The following SYT14 variants were observed in gnomAD, a reference collection of about 807,000 sequenced individuals.
SYT14 encodes the protein synaptotagmin-14.
In SYT14, 32 loss-of-function variants were observed where a neutral mutation model predicts 74.2. The ratio of observed to expected loss-of-function variants is 0.43; its 90% CI spans 0.33 to 0.58. The LOEUF (loss-of-function observed/expected upper bound fraction) is 0.58, where lower values mean the gene tolerates loss of function less well. Ranked by LOEUF, SYT14 falls within the 20% of genes least tolerant of loss-of-function variation. The pLI, the probability that SYT14 is intolerant of heterozygous loss-of-function variation, is 0.05. For missense variants in SYT14, 791 were observed against 981.8 expected (o/e 0.81, Z 2.60); for synonymous variants, 298 against 337.7 (o/e 0.88, Z 1.29).
At chr1:210,077,598 A>G (rs2102467680) in intron 5 of SYT14, among the ~76,000 whole-genome samples, 1 of 152,330 alleles carries the variant, frequency 6.6e-6, no homozygotes, top group East Asian at 1.9e-4. Context: ...ATCTCCTTTG[A>G]GTAAATACAA....
rs935246875 is a variant in SYT14 at position 210,145,867 on chromosome 1, T to C, written c.2035-9854T>C. On this transcript the variant is annotated intron_variant, in intron 7 of 9. Coordinates refer to ENST00000637265, the Ensembl canonical transcript of SYT14. ...GTTTCTGTTACCAGAGTTAATCATA[T>C]CCACATATTTTCTCCCATAAAATCT... Among the ~76,000 whole-genome samples, 5 of 152,192 alleles carry C rather than the reference T, an allele frequency of 3.3e-5. No individual in the cohort carries two copies. The East Asian group carries it at 7.7e-4, about 23-fold the overall frequency.
rs1206451444 is a variant in SYT14 at position 209,990,536 on chromosome 1, T to TATATATATTTC, written c.-485-23096_-485-23095insTATATATTTCA. ...AAGGAATATTTCACATATATATATA[T>TATATATATTTC]ACGTATATATATGTATATATATACG... is the stretch of plus-strand genomic sequence containing the variant. On this transcript the variant is annotated intron_variant, in intron 2 of 9. Transcript: ENST00000637265. Among the ~76,000 whole-genome samples the TATATATATTTC allele has an allele frequency of 1.4e-3, 63 of 44,336 alleles. 2 individuals carry two copies. The highest frequency in any genetic ancestry group is 8.9e-3 in the African/African-American group (62 of 6,960). The allele number at this position is 44,336 out of a possible 152,430, so 29.1% of individuals were successfully genotyped here. A position where few individuals can be genotyped will look rare whatever the true frequency, so the allele number is the denominator to read the frequency against.
intron 5 of SYT14, among the ~76,000 whole-genome samples, chr1:210,032,109 G>C (rs553595521): frequency 6.6e-6 from 1 of 152,028 alleles, no homozygotes; most frequent in African/African-American, 2.4e-5. Flanking sequence ...TCTTCATATG[G>C]TGATTTTTTT....
intron 5 of SYT14, among the ~76,000 whole-genome samples, chr1:210,072,386 A>G (rs1288158139): frequency 6.6e-6 from 1 of 152,000 alleles, no homozygotes; most frequent in Non-Finnish European, 1.5e-5. Flanking sequence ...AGGTTCAGGC[A>G]TATGCTTTTA....
intron 5 of SYT14, among the ~76,000 whole-genome samples, chr1:210,072,601 A>G (rs2081415527): frequency 6.6e-6 from 1 of 152,068 alleles, no homozygotes; most frequent in South Asian, 2.1e-4. Flanking sequence ...ACACATTCAT[A>G]AAAGAGAAGA....
chr1:210,068,684 T>C (rs2081339713), intron 5 of SYT14, among the ~76,000 whole-genome samples: 1 of 151,758 alleles, frequency 6.6e-6, no homozygotes, highest in Admixed American at 6.6e-5. Flanking sequence ...GTAAAGTTGT[T>C]AATAGCATTC....
chr1:210,012,282 C>G (rs779391273), intron 2 of SYT14, among the ~76,000 whole-genome samples: 3 of 152,206 alleles, frequency 2.0e-5, no homozygotes, highest in Admixed American at 6.5e-5. Flanking sequence ...GCCTTTCTTA[C>G]ACTATATTGT....
chr1:209,946,861 G>A (rs1241771141), intron 1 of SYT14, among the ~76,000 whole-genome samples: 2 of 152,182 alleles, frequency 1.3e-5, no homozygotes, highest in East Asian at 1.9e-4. Context: ...TGACTCTCTT[G>A]TTAGGGGCTG....
chr1:209,951,620 G>A (rs1453085764), intron 1 of SYT14, among the ~76,000 whole-genome samples: 2 of 152,070 alleles, frequency 1.3e-5, no homozygotes, highest in African/African-American at 2.4e-5. Context: ...AGAAAGGCAC[G>A]CACAGCACAC....
chr1:210,121,170 G>A (rs1031299588), intron 7 of SYT14, among the ~76,000 whole-genome samples: 25 of 152,096 alleles, frequency 1.6e-4, no homozygotes, highest in African/African-American at 6.0e-4. Flanking sequence ...TTTTTTGTGA[G>A]GATTAAAGGA....
intron 7 of SYT14, among the ~76,000 whole-genome samples, chr1:210,116,650 A>G (rs540581729): frequency 5.1e-4 from 78 of 152,268 alleles, no homozygotes; most frequent in East Asian, 4.6e-3. Flanking sequence ...CCCATCCTGA[A>G]CTCATTGTTT....
chr1:209,997,318 A>T (rs2079815992), intron 2 of SYT14, among the ~76,000 whole-genome samples: 1 of 152,276 alleles, frequency 6.6e-6, no homozygotes, highest in African/African-American at 2.4e-5. Flanking sequence ...GCATTTCTAT[A>T]CACCAATAAT....
At chr1:209,990,064 T>C (rs769193710) in intron 2 of SYT14, among the ~76,000 whole-genome samples, 1 of 152,156 alleles carries the variant, frequency 6.6e-6, no homozygotes, top group African/African-American at 2.4e-5. Context: ...ACCTCCTGTT[T>C]GCTATCTTTT....
chr1:210,118,612 G>C (rs2082403197), intron 7 of SYT14, among the ~76,000 whole-genome samples: 1 of 152,048 alleles, frequency 6.6e-6, no homozygotes, highest in African/African-American at 2.4e-5. Context: ...AAGTAGCTGG[G>C]ATTACAGGCA....
At chr1:209,983,859 G>T (rs2079529948) in intron 2 of SYT14, among the ~76,000 whole-genome samples, 1 of 152,136 alleles carries the variant, frequency 6.6e-6, no homozygotes, top group African/African-American at 2.4e-5. Flanking sequence ...ACTCCTCAGG[G>T]ATTTCTCATT....
In SYT14 at chr1:210,028,576, G is replaced by A. The variant is rs192221737; in HGVS notation, c.1312+7322G>A. ...CACTTAGCATAATGTCCCCAGTTTCGTCTGTGTTACAGCATGTATCAGAAT... is the reference window on the plus strand; with the variant it reads ...CACTTAGCATAATGTCCCCAGTTTCATCTGTGTTACAGCATGTATCAGAAT... On this transcript the variant is annotated intron_variant, in intron 5 of 9. Coordinates refer to ENST00000637265, the Ensembl canonical transcript of SYT14. Among the ~76,000 whole-genome samples the A allele has an allele frequency of 6.7e-4, 102 of 152,048 alleles. 1 individual carries two copies. Among genetic ancestry groups the A allele is most frequent in the African/African-American group, 2.0e-3 (81 of 41,466 alleles).
At chr1:209,961,602 A>G (rs542218419) in intron 2 of SYT14, among the ~76,000 whole-genome samples, 3 of 152,282 alleles carry the variant, frequency 2.0e-5, no homozygotes, top group Admixed American at 6.5e-5. Flanking sequence ...CTGAGGATCA[A>G]GTGAAATAAA....
intron 2 of SYT14, among the ~76,000 whole-genome samples, chr1:210,010,324 A>C (rs2102909986): frequency 6.6e-6 from 1 of 152,096 alleles, no homozygotes. Flanking sequence ...CCATCCATCC[A>C]TTTGTCCACA....
intron 2 of SYT14, among the ~76,000 whole-genome samples, chr1:209,970,674 T>A (rs1315561254): frequency 2.9e-4 from 8 of 27,754 alleles, no homozygotes; most frequent in African/African-American, 1.1e-3. Flanking sequence ...TTTTTTTTTT[T>A]TTTTTTTTTT....
Sources: gnomAD v4.1 joint callset for allele counts (sites outside exome capture counted in the v4.1 genomes callset) on GRCh38, gnomAD v4.1.1 for gene constraint, MANE v1.5 for transcripts, NCBI Gene and HGNC (gene_info 2026-07-23, HGNC 2026-07-21) for gene names.